The following ITPR1 variants were observed in gnomAD, a reference collection of about 807,000 sequenced individuals.
ITPR1 encodes the protein inositol 1,4,5-trisphosphate-gated calcium channel ITPR1.
In ITPR1, 96 loss-of-function variants were observed where a neutral mutation model predicts 318.4. That is an observed-to-expected ratio of 0.30 (90% confidence interval 0.26 to 0.36). The LOEUF is 0.36. Ranked by LOEUF, ITPR1 falls within the 10% of genes least tolerant of loss-of-function variation. The pLI is 1.00. For synonymous variants in ITPR1, 1,312 were observed against 1,289.9 expected, an observed-to-expected ratio of 1.02 and a Z score of -0.37; for missense variants, 2,440 against 3,460.2, an observed-to-expected ratio of 0.71 and a Z score of 7.40.
chr3:4,549,505 T>C (rs2085346842), intron 4 of ITPR1, among the ~76,000 whole-genome samples: 1 of 151,646 alleles, frequency 6.6e-6, no homozygotes, highest in South Asian at 2.1e-4. Flanking sequence ...TCTCTTCCTT[T>C]TTCCCTTCCT....
At chr3:4,717,883 T>C (rs1273724407) in intron 40 of ITPR1, among the ~76,000 whole-genome samples, 1 of 152,232 alleles carries the variant, frequency 6.6e-6, no homozygotes, top group East Asian at 1.9e-4. Context: ...TATAAAACTT[T>C]TTTTAAGCGC....
intron 51 of ITPR1, 59 bp downstream of exon 51, chr3:4,783,979 C>T: frequency 8.5e-7 from 1 of 1,170,152 alleles, no homozygotes; most frequent in Non-Finnish European, 1.2e-6. Context: ...TGTGCAATGC[C>T]CTGCTCTGGG....
At chr3:4,785,787 G>C (rs181037390) in intron 51 of ITPR1, among the ~76,000 whole-genome samples, 3 of 152,214 alleles carry the variant, frequency 2.0e-5, no homozygotes, top group Non-Finnish European at 4.4e-5. Flanking sequence ...TTTTAGGGAT[G>C]TTAGAAGGAC....
intron 61 of ITPR1, among the ~76,000 whole-genome samples, chr3:4,844,329 G>A (rs2051594666): frequency 6.6e-6 from 1 of 151,974 alleles, no homozygotes; most frequent in Non-Finnish European, 1.5e-5. Flanking sequence ...TTGCTACGTT[G>A]CCCAGGCTGG....
At position 4,710,561 on chromosome 3, in the gene ITPR1, C is replaced by G; in HGVS notation, c.4991+88C>G. 1 of 1,363,186 alleles carries G rather than the reference C, an allele frequency of 7.3e-7. No individual in the cohort carries two copies. The highest frequency in any genetic ancestry group is 2.5e-5 in the East Asian group (1 of 39,320). 84.4% of individuals were successfully genotyped at this position (1,363,186 alleles called of 1,614,324 possible). ...TGTTCCCGAAGAAGGAGACGTTGTC[C>G]TGTTTTTTAACTTTGATGAATGCAA... On this transcript the variant is annotated intron_variant, in intron 38 of 61. Transcript: ENST00000649015. This position sits in a 1 kb window ranked among gnomAD's most constrained non-coding sequence, Gnocchi z 4.2.
At chr3:4,685,024 C>G in intron 29 of ITPR1, 45 bp from the exon 30 acceptor site, 1 of 1,588,290 alleles carries the variant, frequency 6.3e-7, no homozygotes, top group Non-Finnish European at 8.6e-7. Flanking sequence ...CTTTTTCCAG[C>G]TATAGTTCCT....
chr3:4,699,808 T>C lies in ITPR1; in HGVS notation c.4408-5T>C. 1 of 1,613,784 alleles carries C rather than the reference T, an allele frequency of 6.2e-7. No individual in the cohort carries two copies. Among genetic ancestry groups the C allele is most frequent in the Non-Finnish European group, 8.5e-7 (1 of 1,179,722 alleles). On this transcript the variant is annotated splice_region_variant and splice_polypyrimidine_tract_variant and intron_variant, in intron 34 of 61. Coordinates refer to ENST00000649015, the MANE Select transcript of ITPR1 (RefSeq NM_001378452.1). ...TAATGCTTAACATACCCACTTGTCT[T>C]CCAGGCCTGTAACAACACTAGTGAC...
At chr3:4,643,605 G>C (rs77673880) in intron 7 of ITPR1, among the ~76,000 whole-genome samples, 2 of 147,362 alleles carry the variant, frequency 1.4e-5, no homozygotes, top group African/African-American at 4.9e-5. Context: ...TTTTGGGGGG[G>C]GGGTAACTTT....
chr3:4,527,779 T>A (rs1466044197), intron 4 of ITPR1, among the ~76,000 whole-genome samples: 1 of 152,184 alleles, frequency 6.6e-6, no homozygotes, highest in Non-Finnish European at 1.5e-5. Context: ...AACTTGAGGA[T>A]CACACTTGTG....
chr3:4,815,039 C>T lies in ITPR1; in HGVS notation c.7702-14C>T, dbSNP rs761519768. On this transcript the variant is annotated splice_polypyrimidine_tract_variant and intron_variant, in intron 58 of 61. Transcript: ENST00000649015. ...CAAGGGACCCAGACTGATCCAGACA[C>T]CTCTCTTTTCCAGGAACCCCTGTTT... is the stretch of plus-strand genomic sequence containing the variant. 1 of 1,602,122 alleles carries T rather than the reference C, an allele frequency of 6.2e-7. No homozygotes were observed. Among genetic ancestry groups the T allele is most frequent in the Non-Finnish European group, 8.5e-7 (1 of 1,172,904 alleles).
At chr3:4,731,954 CA>C (rs1380299950) in intron 42 of ITPR1, among the ~76,000 whole-genome samples, 5 of 152,250 alleles carry the variant, frequency 3.3e-5, no homozygotes, top group African/African-American at 1.2e-4. Flanking sequence ...TAGATTTCAA[CA>C]CCTTTCCTCT....
intron 4 of ITPR1, among the ~76,000 whole-genome samples, chr3:4,558,709 G>C (rs1421957879): frequency 6.6e-6 from 1 of 152,168 alleles, no homozygotes. Flanking sequence ...AGAGGCATTT[G>C]GGAAAAGGAG....
chr3:4,727,130 T>G lies in ITPR1; in HGVS notation c.5177T>G (p.Leu1726Arg). The part of the protein sequence containing the change: ...APDSENATEE[L>R]EPSPPLRQLE... Reference sequence around the variant, plus strand: ...GAATTTCTGCATGCCTAGCAGGAGCTTGAACCAAGTCCACCCCTGCGGCAG... The same window carrying G: ...GAATTTCTGCATGCCTAGCAGGAGCGTGAACCAAGTCCACCCCTGCGGCAG... Residue 1726 changes from leucine (L) to arginine (R), a missense_variant, in exon 42 of 62, where the codon CTT becomes CGT. Leu to Arg is a moderately radical substitution (Grantham distance 102). This residue lies in a region of ITPR1 where 166 missense variants were observed against 143.7 expected (regional missense o/e 1.16). Coordinates refer to ENST00000649015, the MANE Select transcript of ITPR1 (RefSeq NM_001378452.1). 6.3e-7 allele frequency: 1 copy of G among 1,598,260 alleles called. No homozygotes were observed. Among genetic ancestry groups the G allele is most frequent in the Non-Finnish European group, 8.5e-7 (1 of 1,178,896 alleles).
intron 43 of ITPR1, 105 bp from the exon 44 acceptor site, chr3:4,735,059 C>G (rs775486748): frequency 2.4e-6 from 2 of 826,926 alleles, no homozygotes; most frequent in Non-Finnish European, 3.9e-6. Context: ...AAGAGATGAA[C>G]ATGGGTAAAG....
chr3:4,812,550 A>C (rs545378833), intron 56 of ITPR1, among the ~76,000 whole-genome samples: 3 of 152,208 alleles, frequency 2.0e-5, no homozygotes, highest in Admixed American at 6.5e-5. Context: ...ATGGTACCCA[A>C]GTGCCCTCTT....
chr3:4,626,578 C>A (rs1426805940), intron 4 of ITPR1, among the ~76,000 whole-genome samples: 2 of 152,116 alleles, frequency 1.3e-5, no homozygotes, highest in African/African-American at 2.4e-5. Context: ...CTGCAGAAAT[C>A]TTTTGAAGCC....
At chr3:4,594,633 G>A (rs2090652567) in intron 4 of ITPR1, among the ~76,000 whole-genome samples, 1 of 152,126 alleles carries the variant, frequency 6.6e-6, no homozygotes, top group African/African-American at 2.4e-5. Context: ...GCAGAAGAGA[G>A]TAAAGGGCAA....
At chr3:4,676,400 C>T (rs921334305) in intron 23 of ITPR1, among the ~76,000 whole-genome samples, 4 of 151,942 alleles carry the variant, frequency 2.6e-5, no homozygotes, top group Non-Finnish European at 5.9e-5. Flanking sequence ...CAGAAATGCC[C>T]CTCTGGGGAT....
Position 4,791,058 on chromosome 3 carries a change from G to A in ITPR1, c.6808+2919G>A, listed in dbSNP as rs191609925. ...GTTTTCCCATGTGATTATCCCACTC[G>A]TAAGTGTATATGGAGTCCAAGCCTT... On this transcript the variant is annotated intron_variant, in intron 52 of 61. Coordinates refer to ENST00000649015, the MANE Select transcript of ITPR1 (RefSeq NM_001378452.1). Among the ~76,000 whole-genome samples, 144 of 152,286 alleles carry A rather than the reference G, an allele frequency of 9.5e-4. 1 individual carries two copies. The highest frequency in any genetic ancestry group is 3.2e-3 in the African/African-American group (134 of 41,546).
Sources: allele counts gnomAD v4.1 joint callset (sites outside exome capture counted in the v4.1 genomes callset), GRCh38; gene constraint gnomAD v4.1.1; regional missense constraint gnomAD v4.1.1; non-coding constraint Gnocchi (gnomAD v3.1); transcripts MANE v1.5; gene names NCBI Gene and HGNC (gene_info 2026-07-23, HGNC 2026-07-21).